Variants in MCTP2 observed in about 807,000 individuals in gnomAD.
The protein encoded by MCTP2 is multiple C2 and transmembrane domain-containing protein 2.
A neutral mutation model predicts 111.6 loss-of-function variants in MCTP2; 132 were observed. The observed-to-expected ratio is 1.18, with a 90% CI of 1.03 to 1.37. The LOEUF (loss-of-function observed/expected upper bound fraction) is 1.37. MCTP2 is among the 40% of genes most tolerant of loss of function. The pLI is 0.00. For synonymous variants in MCTP2, 395 were observed against 387.7 expected, an observed-to-expected ratio of 1.02 and a Z score of -0.22; for missense variants, 1,183 against 1,067.9, an observed-to-expected ratio of 1.11 and a Z score of -1.50.
intron 19 of MCTP2, among the ~76,000 whole-genome samples, chr15:94,452,903 G>A (rs905788912): frequency 1.3e-5 from 2 of 152,160 alleles, no homozygotes; most frequent in African/African-American, 4.8e-5. Flanking sequence ...TGTCTCACAT[G>A]AGTAGCAAAT....
intron 17 of MCTP2, among the ~76,000 whole-genome samples, chr15:94,412,992 T>C (rs1244567764): frequency 6.6e-6 from 1 of 152,212 alleles, no homozygotes; most frequent in Non-Finnish European, 1.5e-5. Context: ...ATTTTTACAT[T>C]TTTGATAATC....
intron 17 of MCTP2, among the ~76,000 whole-genome samples, chr15:94,405,851 G>A (rs1384966582): frequency 6.6e-6 from 1 of 151,960 alleles, no homozygotes; most frequent in African/African-American, 2.4e-5. Context: ...CCTTTTCTAA[G>A]GTTTACTTAG....
intron 12 of MCTP2, among the ~76,000 whole-genome samples, chr15:94,371,364 A>G (rs1464243860): frequency 1.3e-5 from 2 of 152,186 alleles, no homozygotes; most frequent in African/African-American, 2.4e-5. Context: ...CTTATATTTT[A>G]TGAAAACAGT....
At chr15:94,352,614 G>T (rs1354147164) in intron 8 of MCTP2, among the ~76,000 whole-genome samples, 1 of 152,188 alleles carries the variant, frequency 6.6e-6, no homozygotes, top group African/African-American at 2.4e-5. Flanking sequence ...TTCAGGTGGG[G>T]TGGCTTTCCC....
chr15:94,299,431 T>G (rs1015260322), intron 2 of MCTP2, among the ~76,000 whole-genome samples: 6 of 152,172 alleles, frequency 3.9e-5, no homozygotes, highest in African/African-American at 1.4e-4. Flanking sequence ...TTTGACTGCC[T>G]TAGGATTTGA....
At chr15:94,458,669 T>TA (rs1768127601) in intron 20 of MCTP2, among the ~76,000 whole-genome samples, 1 of 152,208 alleles carries the variant, frequency 6.6e-6, no homozygotes, top group African/African-American at 2.4e-5. Context: ...CAAAGAAAGA[T>TA]ACACATCTAG....
chr15:94,455,491 G>A (rs2084766568), intron 19 of MCTP2, among the ~76,000 whole-genome samples: 1 of 151,798 alleles, frequency 6.6e-6, no homozygotes, highest in Non-Finnish European at 1.5e-5. Context: ...AGGCTCGAGT[G>A]CAGTGGCGCC....
At chr15:94,462,525 G>T (rs1309196647) in intron 20 of MCTP2, among the ~76,000 whole-genome samples, 3 of 152,192 alleles carry the variant, frequency 2.0e-5, no homozygotes, top group African/African-American at 7.2e-5. Flanking sequence ...TGATAAATGG[G>T]GAAAGAGTCT....
At position 94,370,131 on chromosome 15, in the gene MCTP2, A is replaced by G; in HGVS notation, c.1533A>G (p.Leu511=). 4 of 1,613,516 alleles carry G rather than the reference A, an allele frequency of 2.5e-6. No individual in the cohort carries two copies. The highest frequency in any genetic ancestry group is 3.4e-6 in the Non-Finnish European group (4 of 1,179,720). ...SLKDVKDVGI[L]QVKVLKAADL... ...AAGATGTGAAAGACGTCGGCATTCT[A>G]CAAGTGAAGGTTTTAAAGGCAGCAG... Residue 511 remains leucine, a synonymous_variant, in exon 12 of 23, where the codon CTA becomes CTG. Transcript: ENST00000357742.
At chr15:94,336,675 G>C (rs1321985517) in intron 4 of MCTP2, among the ~76,000 whole-genome samples, 1 of 101,904 alleles carries the variant, frequency 9.8e-6, no homozygotes, top group Non-Finnish European at 2.1e-5. Flanking sequence ...GTTTTGCTTA[G>C]CATATATATA....
intron 21 of MCTP2, 46 bp from the exon 22 acceptor site, chr15:94,476,647 GATA>G (rs2074384104): frequency 1.1e-6 from 1 of 897,158 alleles, no homozygotes; most frequent in South Asian, 1.6e-5. Flanking sequence ...TAGATAGATA[GATA>G]GACAGACAGA....
chr15:94,413,308 C>G (rs1339884837), intron 17 of MCTP2, among the ~76,000 whole-genome samples: 1 of 151,990 alleles, frequency 6.6e-6, no homozygotes, highest in Non-Finnish European at 1.5e-5. Context: ...ATGTTGTGTA[C>G]TTTTCTGTTT....
chr15:94,314,661 G>A (rs294552), intron 3 of MCTP2: 447,927 of 528,142 alleles, frequency 0.85, 190,826 homozygotes, highest in East Asian at 0.98. Context: ...CTTAGCCACA[G>A]GATCGATTAA....
chr15:94,383,914 T>G (rs1215277328), intron 12 of MCTP2, 108 bp from the exon 13 acceptor site: 1 of 771,416 alleles, frequency 1.3e-6, no homozygotes, highest in Non-Finnish European at 2.2e-6. Flanking sequence ...AAAGCAGTCT[T>G]GCCTTCCCTC....
chr15:94,350,137 A>G (rs2078225152), intron 8 of MCTP2, among the ~76,000 whole-genome samples: 1 of 152,182 alleles, frequency 6.6e-6, no homozygotes, highest in Admixed American at 6.5e-5. Flanking sequence ...GAAGGACTAG[A>G]GTATAAAGAA....
At chr15:94,423,667 G>A (rs866806710) in intron 17 of MCTP2, among the ~76,000 whole-genome samples, 2 of 152,154 alleles carry the variant, frequency 1.3e-5, no homozygotes, top group East Asian at 1.9e-4. Flanking sequence ...ATGTGTGTGC[G>A]CATAGGTGCA....
intron 12 of MCTP2, among the ~76,000 whole-genome samples, chr15:94,382,887 C>G (rs1238009189): frequency 2.6e-5 from 4 of 152,244 alleles, no homozygotes; most frequent in Non-Finnish European, 4.4e-5. Flanking sequence ...CCTGACAGTT[C>G]CAAATCCAGA....
chr15:94,244,043 CACATAT>C (rs1438045127), intron 1 of MCTP2, among the ~76,000 whole-genome samples: 13 of 145,154 alleles, frequency 9.0e-5, no homozygotes, highest in African/African-American at 3.3e-4. Flanking sequence ...ATATATTGCA[CACATAT>C]GTATACACAT....
chr15:94,378,182 A>G (rs1000642985), intron 12 of MCTP2, among the ~76,000 whole-genome samples: 9 of 152,138 alleles, frequency 5.9e-5, no homozygotes, highest in Admixed American at 3.3e-4. Context: ...GAATGATGAT[A>G]TTGTTGAGGG....
Sources: allele counts gnomAD v4.1 joint callset (sites outside exome capture counted in the v4.1 genomes callset), GRCh38; gene constraint gnomAD v4.1.1; transcripts MANE v1.5; gene names NCBI Gene and HGNC (gene_info 2026-07-23, HGNC 2026-07-21).